The following ADGRL2 variants were observed in gnomAD, a reference collection of about 807,000 sequenced individuals.
ADGRL2 encodes the protein calcium-independent alpha-latrotoxin receptor 2.
A neutral mutation model predicts 157.4 loss-of-function variants in ADGRL2; 44 were observed. That is an observed-to-expected ratio of 0.28 (90% CI 0.22 to 0.36). The LOEUF is 0.36. Ranked by LOEUF, ADGRL2 falls within the 10% of genes least tolerant of loss-of-function variation. ADGRL2 has a pLI of 1.00. For missense variants in ADGRL2, 1,510 were observed against 1,768.9 expected, an observed-to-expected ratio of 0.85 and a Z score of 2.63; for synonymous variants, 585 against 624.7, an observed-to-expected ratio of 0.94 and a Z score of 0.95.
rs542147355 is a variant in ADGRL2 at position 81,621,167 on chromosome 1, A to G, written c.-143+40187A>G. ...TCTAGATGAGCAGCCCCTCTCTGAA[A>G]AGGTCTGGGGAGGGAGTGGACTAGT... On this transcript the variant is annotated intron_variant, in intron 3 of 24. Coordinates refer to the ADGRL2 transcript ENST00000370721. Among the ~76,000 whole-genome samples the G allele has an allele frequency of 8.5e-5, 13 of 152,176 alleles. No individual in the cohort carries two copies. The South Asian group carries it at 2.3e-3, about 27-fold the overall frequency.
chr1:81,778,136 C>A (rs2086662576), intron 2 of ADGRL2, among the ~76,000 whole-genome samples: 1 of 152,136 alleles, frequency 6.6e-6, no homozygotes, highest in South Asian at 2.1e-4. Context: ...TTGGCTAACA[C>A]CGTGAAACCC....
intron 2 of ADGRL2, among the ~76,000 whole-genome samples, chr1:81,553,907 A>G (rs996419585): frequency 6.6e-6 from 1 of 152,218 alleles, no homozygotes; most frequent in African/African-American, 2.4e-5. Flanking sequence ...CAAAATGCAA[A>G]TAGAACCAAC....
intron 3 of ADGRL2, among the ~76,000 whole-genome samples, chr1:81,606,745 C>T (rs2081440225): frequency 6.8e-6 from 1 of 146,926 alleles, no homozygotes; most frequent in Non-Finnish European, 1.5e-5. Flanking sequence ...AGAGGATCAA[C>T]GTGTGTGTGT....
At chr1:81,695,258 T>G (rs55913744), upstream of ADGRL2, among the ~76,000 whole-genome samples, 2,672 of 151,822 alleles carry the variant, frequency 0.018, 33 homozygotes, top group South Asian at 0.054. Flanking sequence ...TAAAAAGATA[T>G]ACAAATATAT....
intron 1 of ADGRL2, among the ~76,000 whole-genome samples, chr1:81,836,394 G>T (rs187287944): frequency 1.6e-3 from 241 of 152,186 alleles, no homozygotes; most frequent in African/African-American, 5.6e-3. Flanking sequence ...GCATTATAAG[G>T]CTAATGTTTG....
At chr1:81,694,940 T>G, upstream of ADGRL2, among the ~76,000 whole-genome samples, 1 of 152,156 alleles carries the variant, frequency 6.6e-6, no homozygotes, top group Admixed American at 6.6e-5. Context: ...GTAGTATGTG[T>G]TATACTCTCC....
At chr1:81,806,559 G>A (rs10518665) in intron 1 of ADGRL2, among the ~76,000 whole-genome samples, 12,458 of 151,954 alleles carry the variant, frequency 0.082, 674 homozygotes, top group Middle Eastern at 0.14. Context: ...ATGTCATGAA[G>A]GTCAAGAGGT....
chr1:81,884,918 A>G (rs1318330320), intron 2 of ADGRL2, among the ~76,000 whole-genome samples: 1 of 152,218 alleles, frequency 6.6e-6, no homozygotes, highest in Non-Finnish European at 1.5e-5. Context: ...AGAGTGTTCC[A>G]GAATAACATA....
chr1:81,753,942 A>G (rs1334549496), intron 1 of ADGRL2, among the ~76,000 whole-genome samples: 2 of 152,144 alleles, frequency 1.3e-5, no homozygotes, highest in Non-Finnish European at 2.9e-5. Context: ...TTGGGGGAAT[A>G]TTCTTTAGTC....
At chr1:81,586,731 G>A (rs2081034112) in intron 3 of ADGRL2, among the ~76,000 whole-genome samples, 1 of 152,050 alleles carries the variant, frequency 6.6e-6, no homozygotes, top group Admixed American at 6.6e-5. Context: ...ACAGCACAGA[G>A]AGGAAGTTAT....
intron 2 of ADGRL2, among the ~76,000 whole-genome samples, chr1:81,506,951 G>A (rs2078987431): frequency 6.6e-6 from 1 of 152,064 alleles, no homozygotes; most frequent in Admixed American, 6.6e-5. Flanking sequence ...TAGGTCCTGG[G>A]GATTCAGCAG....
chr1:81,744,354 G>A (rs2149236415), intron 1 of ADGRL2, among the ~76,000 whole-genome samples: 1 of 152,162 alleles, frequency 6.6e-6, no homozygotes, highest in African/African-American at 2.4e-5. Context: ...ATGAAAAACC[G>A]ATGAATACAG....
intron 2 of ADGRL2, among the ~76,000 whole-genome samples, chr1:81,529,193 G>T (rs10782764): frequency 0.75 from 114,261 of 152,106 alleles, 43,464 homozygotes; most frequent in East Asian, 0.9. Context: ...GAGGGAAGTA[G>T]GAGCTGTGAC....
At chr1:81,330,824 C>T (rs1356022522) in intron 1 of ADGRL2, among the ~76,000 whole-genome samples, 2 of 152,190 alleles carry the variant, frequency 1.3e-5, no homozygotes, top group Admixed American at 1.3e-4. Context: ...TTAAGGTCCA[C>T]ATTTATGGAT....
At chr1:81,777,955 C>T (rs1418739939) in intron 2 of ADGRL2, among the ~76,000 whole-genome samples, 3 of 152,154 alleles carry the variant, frequency 2.0e-5, no homozygotes, top group Non-Finnish European at 4.4e-5. Context: ...AAAAGCCTTC[C>T]TCCAGACTGA....
intron 3 of ADGRL2, among the ~76,000 whole-genome samples, chr1:81,651,336 T>C: frequency 6.6e-6 from 1 of 152,226 alleles, no homozygotes; most frequent in East Asian, 1.9e-4. Flanking sequence ...CAAGAATATG[T>C]TGAAAAGAGT....
chr1:81,742,786 A>C (rs1370205717), intron 1 of ADGRL2, among the ~76,000 whole-genome samples: 1 of 152,050 alleles, frequency 6.6e-6, no homozygotes, highest in Non-Finnish European at 1.5e-5. Flanking sequence ...TTATTTTTGT[A>C]TTTAATTATT....
intron 11 of ADGRL2, among the ~76,000 whole-genome samples, chr1:81,956,865 C>G (rs929477157): frequency 6.6e-6 from 1 of 152,058 alleles, no homozygotes; most frequent in Non-Finnish European, 1.5e-5. Context: ...GCAGCAGATA[C>G]TGAATGAAGA....
In ADGRL2 at chr1:81,316,805, T is replaced by C. The variant is rs535379865; in HGVS notation, c.-302+10296T>C. ...ATGTATGTGTATGTACCTATACTCA[T>C]GCCTAGAAAGAAGCAATCTCTGAAT... On this transcript the variant is annotated intron_variant, in intron 1 of 24. Coordinates refer to the ADGRL2 transcript ENST00000370721. 4.6e-5 allele frequency among the ~76,000 whole-genome samples: 7 copies of C among 152,302 alleles called. No homozygotes were observed. The South Asian group carries it at 1.5e-3, about 32-fold the overall frequency.
Sources: gnomAD v4.1 joint callset for allele counts (sites outside exome capture counted in the v4.1 genomes callset) on GRCh38, gnomAD v4.1.1 for gene constraint, MANE v1.5 for transcripts, NCBI Gene and HGNC (gene_info 2026-07-23, HGNC 2026-07-21) for gene names.